Variants in ZZEF1 observed in about 807,000 individuals in gnomAD.
ZZEF1 encodes the protein zinc finger ZZ-type and EF-hand domain-containing protein 1.
ZZEF1 carries 157 observed loss-of-function variants against 342.8 expected under a neutral mutation model. The observed-to-expected ratio is 0.46, with a 90% CI of 0.40 to 0.52. The LOEUF is 0.52. ZZEF1 is among the 20% of genes least tolerant of loss of function. The probability of loss-of-function intolerance (pLI) is 0.00; values close to 1 mark genes in which losing one functional copy is unlikely to be tolerated. For synonymous variants in ZZEF1, 1,505 were observed against 1,429.1 expected (o/e 1.05, Z -1.20); for missense variants, 3,480 against 3,725.6 (o/e 0.93, Z 1.72).
Position 4,064,426 on chromosome 17 carries a change from T to C in ZZEF1, c.4653A>G (p.Lys1551=), listed in dbSNP as rs763687569. Residue 1551 remains lysine, a synonymous_variant, in exon 29 of 55, where the codon AAA becomes AAG. Transcript: ENST00000381638. ...MEEARLVPTV[K]EKYPVLKDVM... ...CGTCCTTCAGCACAGGGTATTTCTC[T>C]TTCACTGTGGGCACCAGTCTGGCCT... 6.2e-7 allele frequency: 1 copy of C among 1,613,902 alleles called. No individual in the cohort carries two copies. Among genetic ancestry groups the C allele is most frequent in the Non-Finnish European group, 8.5e-7 (1 of 1,179,816 alleles).
At chr17:4,013,233 G>A (rs769637835) in intron 52 of ZZEF1, among the ~76,000 whole-genome samples, 2 of 152,136 alleles carry the variant, frequency 1.3e-5, no homozygotes, top group South Asian at 2.1e-4. Context: ...AGTTCTACAA[G>A]ATAACAGGGA....
rs779529709 is a variant in ZZEF1, at chr17:4,074,319, C to A, written c.3516G>T (p.Gln1172His). 21 of 1,614,194 alleles carry A rather than the reference C, an allele frequency of 1.3e-5. No individual in the cohort carries two copies. The highest frequency in any genetic ancestry group is 1.7e-5 in the Non-Finnish European group (20 of 1,180,042). Residue 1172 changes from glutamine to histidine, a missense_variant, in exon 24 of 55, where the codon CAG becomes CAT. Coordinates refer to ENST00000381638, the MANE Select transcript of ZZEF1 (RefSeq NM_015113.4). Reference sequence around the variant, plus strand: ...GACTGCTGTCAGAGTGAAAGAGGAACTGCAACCGAGGACCGGCCTTGAAGG... The same window carrying A: ...GACTGCTGTCAGAGTGAAAGAGGAAATGCAACCGAGGACCGGCCTTGAAGG... ...KVTFKAGPRL[Q>H]FLFHSDSSHN...
chr17:4,020,744 T>C (rs908849700), intron 45 of ZZEF1, among the ~76,000 whole-genome samples: 3 of 152,236 alleles, frequency 2.0e-5, no homozygotes, highest in Admixed American at 6.5e-5. Flanking sequence ...TGAGGAAGAA[T>C]AGATTACCTA....
At position 4,076,706 on chromosome 17, in the gene ZZEF1, C is replaced by G. The variant is rs776739752; in HGVS notation, c.3165G>C (p.Leu1055Phe). The change falls in exon 21 of 55, where the codon TTG becomes TTC. Residue 1055 changes from leucine to phenylalanine, a missense_variant. By Grantham distance (22) the Leu-to-Phe change is conservative. Transcript: ENST00000381638. ...GTTCTGTGAGGACGCTGAACTCTCT[C>G]AAGAGCACGCAGTGTGGGATGTCTA... ...CTLDIPHCVL[L>F]REFSVLTELL... 6.2e-7 allele frequency: 1 copy of G among 1,613,358 alleles called. No individual in the cohort carries two copies. Among genetic ancestry groups the G allele is most frequent in the South Asian group, 1.1e-5 (1 of 91,080 alleles).
chr17:4,094,532 TTTATCCATTGGCTACCGA>T (rs536629219), intron 11 of ZZEF1, among the ~76,000 whole-genome samples: 3,724 of 152,246 alleles, frequency 0.024, 67 homozygotes, highest in Non-Finnish European at 0.033. Context: ...TCCTGACCTG[TTTATCCATTGGCTACCGA>T]TTATCCATTG....
chr17:4,059,629 C>T (rs542152973), intron 30 of ZZEF1, among the ~76,000 whole-genome samples: 36 of 152,172 alleles, frequency 2.4e-4, no homozygotes, highest in Admixed American at 2.0e-3. Context: ...CACACAATCA[C>T]GCTCACCCCT....
intron 35 of ZZEF1, 23 bp from the exon 36 acceptor site, chr17:4,051,066 A>T (rs1221691102): frequency 6.2e-7 from 1 of 1,614,008 alleles, no homozygotes; most frequent in Non-Finnish European, 8.5e-7. Flanking sequence ...GACACATTTA[A>T]AGCTTACAAC....
chr17:4,085,105 C>T (rs1026183975), intron 16 of ZZEF1, among the ~76,000 whole-genome samples: 3 of 152,120 alleles, frequency 2.0e-5, no homozygotes, highest in South Asian at 2.1e-4. Flanking sequence ...GAACAAGAAC[C>T]TATCTAAAAA....
In ZZEF1 at chr17:4,052,150, C is replaced by G. The variant is rs1259720499; in HGVS notation, c.5435-14G>C. The G allele has an allele frequency of 6.2e-7, 1 of 1,603,838 alleles. No individual in the cohort carries two copies. The highest frequency in any genetic ancestry group is 1.7e-5 in the Admixed American group (1 of 58,300). On this transcript the variant is annotated splice_polypyrimidine_tract_variant and intron_variant, in intron 34 of 54. Transcript: ENST00000381638. Reference sequence around the variant, plus strand: ...GCTTCACCCCACCTGAGGAGAAACACAGCAGTGTGAGGGGATGAGGTAGAG... The same window carrying G: ...GCTTCACCCCACCTGAGGAGAAACAGAGCAGTGTGAGGGGATGAGGTAGAG...
At chr17:4,009,350 C>G (rs2055884602) in intron 53 of ZZEF1, 1 of 592,874 alleles carries the variant, frequency 1.7e-6, no homozygotes, top group Admixed American at 3.0e-5. Context: ...TCACTGTTGT[C>G]AAGGGCTGAT....
intron 35 of ZZEF1, among the ~76,000 whole-genome samples, chr17:4,051,482 G>C (rs750809341): frequency 6.6e-6 from 1 of 152,006 alleles, no homozygotes; most frequent in East Asian, 1.9e-4. Context: ...GTGCAGTGGC[G>C]CAGTCTCAGC....
chr17:4,010,446 C>T (rs531318656), intron 52 of ZZEF1, among the ~76,000 whole-genome samples: 41 of 151,876 alleles, frequency 2.7e-4, no homozygotes, highest in African/African-American at 8.4e-4. Context: ...TGTGGCCGGG[C>T]GCGGTAGCTC....
chr17:4,136,965 G>A (rs1292179809), intron 1 of ZZEF1, among the ~76,000 whole-genome samples: 1 of 152,078 alleles, frequency 6.6e-6, no homozygotes, highest in African/African-American at 2.4e-5. Context: ...AGTGGGCTTA[G>A]GATGGAGCAG....
intron 53 of ZZEF1, 97 bp downstream of exon 53, chr17:4,009,507 C>T (rs777236362): frequency 1.9e-6 from 3 of 1,565,162 alleles, no homozygotes; most frequent in Middle Eastern, 3.6e-4. Context: ...ACCCTGGCCA[C>T]TCAGGCTCGG....
At chr17:4,110,493 T>C (rs1024611816) in intron 5 of ZZEF1, among the ~76,000 whole-genome samples, 2 of 152,182 alleles carry the variant, frequency 1.3e-5, no homozygotes, top group African/African-American at 4.8e-5. Context: ...TAGGCCTCAG[T>C]TCCTTTGAGC....
chr17:4,066,191 CA>C (rs1359132149), intron 28 of ZZEF1, among the ~76,000 whole-genome samples: 3 of 152,098 alleles, frequency 2.0e-5, no homozygotes, highest in Non-Finnish European at 4.4e-5. Flanking sequence ...AGATGTAGCT[CA>C]AAAAGCACCT....
intron 8 of ZZEF1, among the ~76,000 whole-genome samples, 194 bp from the exon 9 acceptor site, chr17:4,102,609 A>G (rs537753613): frequency 6.6e-6 from 1 of 152,356 alleles, no homozygotes; most frequent in East Asian, 1.9e-4. Flanking sequence ...TGAAAGAGAC[A>G]AAGTACAGCT....
intron 45 of ZZEF1, 140 bp downstream of exon 45, chr17:4,020,989 T>C (rs534030077): frequency 2.1e-4 from 191 of 894,312 alleles, no homozygotes; most frequent in Non-Finnish European, 3.0e-4. Context: ...CTGCACAACA[T>C]AAGACTGAGT....
chr17:4,017,748 C>T lies in ZZEF1; in HGVS notation c.7642-18G>A, dbSNP rs1387478367. ...GGCCGGGACTGCAAACCCAAGACCACCATTACAGAGGTCTAGCCTTCTTAC... is the reference window on the plus strand; with the variant it reads ...GGCCGGGACTGCAAACCCAAGACCATCATTACAGAGGTCTAGCCTTCTTAC... On this transcript the variant is annotated intron_variant, in intron 47 of 54. Transcript: ENST00000381638. This position sits in a 1 kb window ranked among gnomAD's most constrained non-coding sequence, Gnocchi z 5.1. 1.9e-6 allele frequency: 3 copies of T among 1,611,778 alleles called. No homozygotes were observed. Among genetic ancestry groups the T allele is most frequent in the Non-Finnish European group, 2.5e-6 (3 of 1,178,856 alleles).
Sources: allele counts gnomAD v4.1 joint callset (sites outside exome capture counted in the v4.1 genomes callset), GRCh38; gene constraint gnomAD v4.1.1; non-coding constraint Gnocchi (gnomAD v3.1); transcripts MANE v1.5; gene names NCBI Gene and HGNC (gene_info 2026-07-23, HGNC 2026-07-21).